GBF1: variants seen among roughly 807,000 people sequenced by gnomAD.
GBF1 encodes Golgi-specific brefeldin A-resistance guanine nucleotide exchange factor 1.
Under a neutral mutation model 210.5 loss-of-function variants are expected in GBF1, and 114 were observed. The ratio of observed to expected loss-of-function variants is 0.54; its 90% confidence interval spans 0.47 to 0.63. GBF1 has a LOEUF of 0.63. Among genes scored for constraint, GBF1 ranks in the 30% least tolerant of loss-of-function variants. The pLI, the probability that GBF1 is intolerant of heterozygous loss-of-function variation, is 0.00. For synonymous variants in GBF1, 850 were observed against 889.2 expected (o/e 0.96, Z 0.78); for missense variants, 1,851 against 2,357.7 (o/e 0.79, Z 4.45).
chr10:102,343,300 A>C (rs1009900754), intron 3 of GBF1, among the ~76,000 whole-genome samples: 6 of 152,190 alleles, frequency 3.9e-5, no homozygotes, highest in African/African-American at 1.4e-4. Flanking sequence ...CCATAACAGC[A>C]AAGGACATAA....
chr10:102,335,337 G>A (rs971931573), intron 3 of GBF1, among the ~76,000 whole-genome samples: 1 of 152,168 alleles, frequency 6.6e-6, no homozygotes, highest in Non-Finnish European at 1.5e-5. Context: ...TGTGCCTTGA[G>A]GTTGACAGTC....
chr10:102,275,883 A>G (rs183677055), intron 3 of GBF1, among the ~76,000 whole-genome samples: 17 of 152,346 alleles, frequency 1.1e-4, no homozygotes, highest in African/African-American at 3.8e-4. Flanking sequence ...AGTAGGTTTC[A>G]TTAATCCTCC....
At chr10:102,325,759 C>G (rs1262651630) in intron 3 of GBF1, among the ~76,000 whole-genome samples, 1 of 151,944 alleles carries the variant, frequency 6.6e-6, no homozygotes, top group Non-Finnish European at 1.5e-5. Flanking sequence ...AAGCGATTCT[C>G]GTGCCTCAGC....
chr10:102,371,882 G>A (rs555889808), intron 29 of GBF1, among the ~76,000 whole-genome samples: 12 of 150,128 alleles, frequency 8.0e-5, no homozygotes, highest in South Asian at 2.1e-4. Flanking sequence ...AGCTGAGATC[G>A]CGCCACTGCA....
intron 30 of GBF1, 145 bp downstream of exon 30, chr10:102,375,729 C>G (rs915178092): frequency 4.8e-6 from 3 of 624,766 alleles, no homozygotes; most frequent in Non-Finnish European, 8.6e-6. Context: ...TTCCAGTGCC[C>G]GCTGGCTAGT....
chr10:102,251,678 C>A lies in GBF1; in HGVS notation c.-11+5897C>A, dbSNP rs2071559124. On this transcript the variant is annotated intron_variant, in intron 1 of 39. Transcript: ENST00000369983. Reference sequence around the variant, plus strand: ...AAGTGATCCTCCTGCCTTAGCCTCCCAAGTAGCTGGGACAACAGGTGTGCG... The same window carrying A: ...AAGTGATCCTCCTGCCTTAGCCTCCAAAGTAGCTGGGACAACAGGTGTGCG... Among the ~76,000 whole-genome samples, 4 of 152,094 alleles carry A rather than the reference C, an allele frequency of 2.6e-5. No homozygotes were observed. The South Asian group carries it at 8.3e-4, about 32-fold the overall frequency.
intron 3 of GBF1, among the ~76,000 whole-genome samples, chr10:102,343,342 G>A (rs779413310): frequency 6.6e-6 from 1 of 152,160 alleles, no homozygotes; most frequent in African/African-American, 2.4e-5. Flanking sequence ...CCTAAGGGTC[G>A]CATTGGCTCT....
intron 3 of GBF1, among the ~76,000 whole-genome samples, chr10:102,297,157 A>G (rs963306452): frequency 6.6e-6 from 1 of 152,262 alleles, no homozygotes; most frequent in South Asian, 2.1e-4. Context: ...TTGGTCCCCA[A>G]GTGACATTTC....
intron 1 of GBF1, among the ~76,000 whole-genome samples, chr10:102,255,876 T>A (rs992060504): frequency 8.5e-5 from 13 of 152,252 alleles, no homozygotes; most frequent in South Asian, 2.1e-4. Flanking sequence ...CCTAGTTTTT[T>A]AAATTGTCAT....
intron 3 of GBF1, among the ~76,000 whole-genome samples, chr10:102,328,975 A>G (rs1270852322): frequency 6.6e-6 from 1 of 152,178 alleles, no homozygotes; most frequent in African/African-American, 2.4e-5. Context: ...GTTGTCAAGT[A>G]TACCAACAGA....
At chr10:102,311,317 G>A (rs76862600) in intron 3 of GBF1, among the ~76,000 whole-genome samples, 14 of 152,326 alleles carry the variant, frequency 9.2e-5, no homozygotes, top group South Asian at 2.1e-4. Context: ...AAAGGCTAAC[G>A]CGGCTGTGAA....
At chr10:102,262,621 C>T (rs556004995) in intron 3 of GBF1, among the ~76,000 whole-genome samples, 4 of 152,310 alleles carry the variant, frequency 2.6e-5, no homozygotes, top group African/African-American at 9.6e-5. Flanking sequence ...CCTTGAGGAG[C>T]TGAGGTGGTG....
chr10:102,360,505 C>T, intron 12 of GBF1, 110 bp downstream of exon 12: 2 of 720,366 alleles, frequency 2.8e-6, no homozygotes, highest in South Asian at 3.2e-5. Context: ...GCATCTCCCT[C>T]CCAGTTGGCT....
At chr10:102,378,261 A>G (rs1482510954) in intron 33 of GBF1, among the ~76,000 whole-genome samples, 1 of 151,932 alleles carries the variant, frequency 6.6e-6, no homozygotes, top group African/African-American at 2.4e-5. Flanking sequence ...GAAAGTAAAA[A>G]TGTATTAAAT....
intron 30 of GBF1, 58 bp from the exon 31 acceptor site, chr10:102,376,213 TC>T (rs2060485308): frequency 7.5e-7 from 1 of 1,337,138 alleles, no homozygotes; most frequent in Admixed American, 1.8e-5. Context: ...GCCTGATTTA[TC>T]CCTCATCCCA....
At chr10:102,281,350 A>C (rs988676792) in intron 3 of GBF1, among the ~76,000 whole-genome samples, 1 of 152,112 alleles carries the variant, frequency 6.6e-6, no homozygotes, top group Admixed American at 6.6e-5. Context: ...TTAACTCTTC[A>C]AGTGATCTCT....
intron 4 of GBF1, among the ~76,000 whole-genome samples, chr10:102,349,541 A>T (rs943439959): frequency 6.6e-6 from 1 of 152,206 alleles, no homozygotes; most frequent in African/African-American, 2.4e-5. Context: ...GTCTCAATTC[A>T]AAAGAAAGAG....
At chr10:102,311,100 T>C (rs1472864480) in intron 3 of GBF1, among the ~76,000 whole-genome samples, 2 of 152,180 alleles carry the variant, frequency 1.3e-5, no homozygotes, top group Non-Finnish European at 1.5e-5. Context: ...TTTCCTCTGA[T>C]GGCTTGAGGA....
chr10:102,349,423 T>C (rs879352854), intron 4 of GBF1, among the ~76,000 whole-genome samples: 1 of 152,138 alleles, frequency 6.6e-6, no homozygotes, highest in Non-Finnish European at 1.5e-5. Context: ...TCCCAGCTAC[T>C]CAGGAGGCTG....
Sources: gnomAD v4.1 joint callset for allele counts (sites outside exome capture counted in the v4.1 genomes callset) on GRCh38, gnomAD v4.1.1 for gene constraint, MANE v1.5 for transcripts, NCBI Gene and HGNC (gene_info 2026-07-23, HGNC 2026-07-21) for gene names.